The following ADCY8 variants were observed in gnomAD, a reference collection of about 807,000 sequenced individuals.
ADCY8 encodes the protein adenylate cyclase type 8.
A neutral mutation model predicts 119.7 loss-of-function variants in ADCY8; 51 were observed. That is an observed-to-expected ratio of 0.43 (90% CI 0.34 to 0.54). The LOEUF (loss-of-function observed/expected upper bound fraction) is 0.54, where lower values mean the gene tolerates loss of function less well. Among genes scored for constraint, ADCY8 ranks in the 20% least tolerant of loss-of-function variants. ADCY8 has a pLI of 0.03. For missense variants in ADCY8, 1,383 were observed against 1,598.8 expected (o/e 0.87, Z 2.30); for synonymous variants, 665 against 651.0 (o/e 1.02, Z -0.33).
At chr8:130,859,627 T>C (rs1340828847) in intron 9 of ADCY8, among the ~76,000 whole-genome samples, 1 of 152,230 alleles carries the variant, frequency 6.6e-6, no homozygotes, top group Non-Finnish European at 1.5e-5. Context: ...GATTCCATCA[T>C]GGGATCCCCT....
intron 12 of ADCY8, among the ~76,000 whole-genome samples, chr8:130,832,679 G>A (rs1011108780): frequency 1.3e-5 from 2 of 152,166 alleles, no homozygotes; most frequent in Non-Finnish European, 2.9e-5. Flanking sequence ...TTGATCGCCA[G>A]CAGCAATGAA....
rs116531361 is a variant in ADCY8 at position 130,886,128 on chromosome 8, G to A, written c.1912-1367C>T. Among the ~76,000 whole-genome samples the A allele has an allele frequency of 2.9e-3, 440 of 152,058 alleles. 2 individuals carry two copies. Among genetic ancestry groups the A allele is most frequent in the African/African-American group, 0.01 (417 of 41,496 alleles). On this transcript the variant is annotated intron_variant, in intron 7 of 17. Transcript: ENST00000286355. The stretch of plus-strand genomic sequence containing the variant: ...ACCCTTCATTTTAACCTTCATGAAG[G>A]TAATCAATGTAACATAAATTCAAAG...
At chr8:130,792,562 A>C (rs1478870232) in intron 15 of ADCY8, among the ~76,000 whole-genome samples, 1 of 152,132 alleles carries the variant, frequency 6.6e-6, no homozygotes, top group Non-Finnish European at 1.5e-5. Context: ...TGGTGTCTCC[A>C]TTTTACCAGT....
At chr8:131,019,053 G>A (rs760099312) in intron 1 of ADCY8, among the ~76,000 whole-genome samples, 1 of 152,076 alleles carries the variant, frequency 6.6e-6, no homozygotes, top group Non-Finnish European at 1.5e-5. Context: ...GAAATGCCAG[G>A]GACTCTTGTG....
In ADCY8 at chr8:130,858,542, A is replaced by G. The variant is rs1325463177; in HGVS notation, c.2211-8739T>C. On this transcript the variant is annotated intron_variant, in intron 9 of 17. Transcript: ENST00000286355. ...ATTAACATAACTTATCACTGTTGGT[A>G]TTAATCTTTATCCCCTGGCTGAGGT... is the stretch of plus-strand genomic sequence containing the variant. 2.0e-5 allele frequency among the ~76,000 whole-genome samples: 3 copies of G among 152,108 alleles called. No homozygotes were observed. The East Asian group carries it at 5.8e-4, about 29-fold the overall frequency.
chr8:130,904,163 A>C, intron 6 of ADCY8, 121 bp from the exon 7 acceptor site: 1 of 983,042 alleles, frequency 1.0e-6, no homozygotes, highest in Middle Eastern at 2.4e-4. Context: ...ACATGTCCTC[A>C]GGGACAATAC....
rs1815625136 is a variant in ADCY8 at position 130,797,597 on chromosome 8, AG to A, written c.3060+2828del. 4.6e-5 allele frequency among the ~76,000 whole-genome samples: 7 copies of A among 152,296 alleles called. No homozygotes were observed. The South Asian group carries it at 1.5e-3, about 32-fold the overall frequency. ...GGCCCTGGAGACTTAACAAGATACA[AG>A]AATATGGTCTCTACCTTAGTGACCT... On this transcript the variant is annotated intron_variant, in intron 15 of 17. Coordinates refer to ENST00000286355, the MANE Select transcript of ADCY8 (RefSeq NM_001115.3).
intron 1 of ADCY8, among the ~76,000 whole-genome samples, chr8:131,022,815 G>A (rs1453535909): frequency 1.3e-5 from 2 of 152,094 alleles, no homozygotes; most frequent in Non-Finnish European, 2.9e-5. Flanking sequence ...TAATGTAAGT[G>A]GCTCCAGGGT....
intron 7 of ADCY8, among the ~76,000 whole-genome samples, chr8:130,885,230 T>G (rs77542464): frequency 0.36 from 54,912 of 151,714 alleles, 10,714 homozygotes; most frequent in East Asian, 0.65. Flanking sequence ...TGCATTTTTT[T>G]TTTTTTTAGC....
At chr8:130,970,090 C>A (rs6997744) in intron 2 of ADCY8, among the ~76,000 whole-genome samples, 1 of 152,108 alleles carries the variant, frequency 6.6e-6, no homozygotes, top group Non-Finnish European at 1.5e-5. Flanking sequence ...ACCTAATCTG[C>A]CTACATCCAT....
At position 130,960,621 on chromosome 8, in the gene ADCY8, C is replaced by T. The variant is rs147129878; in HGVS notation, c.1111-8623G>A. Among the ~76,000 whole-genome samples, 294 of 152,102 alleles carry T rather than the reference C, an allele frequency of 1.9e-3. 2 individuals carry two copies. In the East Asian group the frequency reaches 0.02, roughly 10 times the overall value. On this transcript the variant is annotated intron_variant, in intron 2 of 17. Transcript: ENST00000286355. ...TGGAAATGGTCAGAATGGGAGTGGA[C>T]AGGACAACTACATTGTCTTGCAATA... is the stretch of plus-strand genomic sequence containing the variant.
At chr8:130,890,195 C>G (rs1490889673) in intron 7 of ADCY8, among the ~76,000 whole-genome samples, 1 of 134,318 alleles carries the variant, frequency 7.4e-6, no homozygotes, top group Admixed American at 9.1e-5. Context: ...ACACCGGGGC[C>G]TGTTGTGGGG....
At chr8:130,968,101 A>C (rs550886382) in intron 2 of ADCY8, among the ~76,000 whole-genome samples, 1 of 152,198 alleles carries the variant, frequency 6.6e-6, no homozygotes, top group African/African-American at 2.4e-5. Flanking sequence ...TCTGTACTAG[A>C]TGCAGGCAAT....
intron 3 of ADCY8, among the ~76,000 whole-genome samples, chr8:130,945,482 T>G (rs1306061672): frequency 6.6e-6 from 1 of 152,206 alleles, no homozygotes; most frequent in Non-Finnish European, 1.5e-5. Flanking sequence ...TTCTATGACC[T>G]TGGGCAACTT....
chr8:131,017,444 CTT>C, intron 1 of ADCY8, among the ~76,000 whole-genome samples: 1 of 152,182 alleles, frequency 6.6e-6, no homozygotes, highest in Non-Finnish European at 1.5e-5. Context: ...AATTTGGACT[CTT>C]TACTCCTATC....
intron 12 of ADCY8, among the ~76,000 whole-genome samples, chr8:130,823,888 A>G (rs992287173): frequency 6.6e-6 from 1 of 152,216 alleles, no homozygotes; most frequent in Admixed American, 6.5e-5. Context: ...TTCGTAAGCT[A>G]CTTCAGACTT....
intron 5 of ADCY8, among the ~76,000 whole-genome samples, chr8:130,926,276 A>G (rs555099482): frequency 6.6e-6 from 1 of 152,064 alleles, no homozygotes; most frequent in African/African-American, 2.4e-5. Flanking sequence ...CTTAACAGCT[A>G]GCATGACTCA....
rs760487736 is a variant in ADCY8 at position 131,039,560 on chromosome 8, C to G, written c.774G>C (p.Leu258=). 1.2e-5 allele frequency: 20 copies of G among 1,613,712 alleles called. No individual in the cohort carries two copies. Among genetic ancestry groups the G allele is most frequent in the Middle Eastern group, 1.6e-4 (1 of 6,084 alleles). The change falls in exon 1 of 18, where the codon CTG becomes CTC. Residue 258 remains leucine, a synonymous_variant. Transcript: ENST00000286355. ...VTWVAMTTQI[L]AAGLGYGLLG... is the part of the protein sequence containing the mutation. The stretch of plus-strand genomic sequence containing the variant: ...GGAGCCCGTAGCCGAGGCCTGCTGC[C>G]AGGATCTGGGTGGTCATGGCCACCC...
chr8:130,992,394 TATATATATA>T (rs1405259231), intron 1 of ADCY8, among the ~76,000 whole-genome samples: 9 of 117,758 alleles, frequency 7.6e-5, no homozygotes, highest in African/African-American at 3.6e-4. Context: ...TATATATATA[TATATATATA>T]TATATATATA....
Sources: gnomAD v4.1 joint callset for allele counts (sites outside exome capture counted in the v4.1 genomes callset) on GRCh38, gnomAD v4.1.1 for gene constraint, MANE v1.5 for transcripts, NCBI Gene and HGNC (gene_info 2026-07-23, HGNC 2026-07-21) for gene names.